The following ZFHX4 variants were observed in gnomAD, a reference collection of about 807,000 sequenced individuals.
ZFHX4 encodes zinc finger homeobox 4.
A neutral mutation model predicts 267.6 loss-of-function variants in ZFHX4; 56 were observed. The observed-to-expected ratio is 0.21, with a 90% confidence interval of 0.17 to 0.26. ZFHX4 has a LOEUF of 0.26. ZFHX4 is among the 10% of genes least tolerant of loss of function. The pLI is 1.00. For missense variants in ZFHX4, 4,332 were observed against 4,420.0 expected (o/e 0.98, Z 0.56); for synonymous variants, 1,778 against 1,665.6 (o/e 1.07, Z -1.64).
chr8:76,806,055 C>A (rs909033271), intron 4 of ZFHX4, among the ~76,000 whole-genome samples: 1 of 151,994 alleles, frequency 6.6e-6, no homozygotes, highest in Admixed American at 6.6e-5. Context: ...AATTAGATAA[C>A]CTTCATTTCC....
intron 1 of ZFHX4, among the ~76,000 whole-genome samples, chr8:76,697,760 G>A (rs1263319699): frequency 6.6e-6 from 1 of 151,984 alleles, no homozygotes; most frequent in Admixed American, 6.6e-5. Context: ...ATATTTATAT[G>A]CATTTTATCA....
At position 76,850,962 on chromosome 8, in the gene ZFHX4, G is replaced by T. The variant is rs781493188; in HGVS notation, c.4041G>T (p.Glu1347Asp). 20 of 1,613,616 alleles carry T rather than the reference G, an allele frequency of 1.2e-5. 2 individuals are homozygous for T. The South Asian group carries it at 2.2e-4, about 18-fold the overall frequency. The change falls in exon 10 of 11, where the codon GAG becomes GAT. Residue 1347 changes from glutamate (E) to aspartate (D), a missense_variant. Physicochemically the swap from Glu to Asp is conservative, Grantham distance 45 (BLOSUM62 2). Around this residue, in one of 7 missense-constraint regions of ZFHX4, gnomAD observed 1,371 missense variants for 1,423.1 expected, o/e 0.96. Transcript: ENST00000651372. ...SKANVEVKNE[E>D]QKPTKEPLEV... ...CTAATGTGGAAGTAAAGAATGAGGA[G>T]CAGAAACCGACTAAAGAACCCTTGG...
At chr8:76,837,755 A>G (rs1434583609) in intron 5 of ZFHX4, among the ~76,000 whole-genome samples, 1 of 152,228 alleles carries the variant, frequency 6.6e-6, no homozygotes, top group Non-Finnish European at 1.5e-5. Context: ...TACAGCAAGT[A>G]GGCAATATAC....
intron 3 of ZFHX4, among the ~76,000 whole-genome samples, chr8:76,746,782 A>G (rs1005766533): frequency 1.1e-4 from 16 of 152,194 alleles, no homozygotes; most frequent in African/African-American, 3.6e-4. Flanking sequence ...TAAGAAATAG[A>G]AGTAGAATCC....
chr8:76,770,983 T>A lies in ZFHX4; in HGVS notation c.3094-7225T>A, dbSNP rs1340485601. On this transcript the variant is annotated intron_variant, in intron 3 of 10. Coordinates refer to ENST00000651372, the MANE Select transcript of ZFHX4 (RefSeq NM_024721.5). ...AGGATTCCATTCTTAAACTTCAAAA[T>A]GGAAATATTTTGAAAGTGAAGGGGT... is the stretch of plus-strand genomic sequence containing the variant. Among the ~76,000 whole-genome samples the A allele has an allele frequency of 2.0e-5, 3 of 152,068 alleles. No homozygotes were observed. The East Asian group carries it at 5.8e-4, about 29-fold the overall frequency.
At chr8:76,738,984 G>C (rs1809245973) in intron 3 of ZFHX4, among the ~76,000 whole-genome samples, 1 of 152,032 alleles carries the variant, frequency 6.6e-6, no homozygotes, top group Admixed American at 6.6e-5. Flanking sequence ...CAAACTTCTG[G>C]TACTACAGCT....
At position 76,865,770 on chromosome 8, in the gene ZFHX4, A is replaced by G. The variant is rs531484960; in HGVS notation, c.*1205A>G. 8.5e-5 allele frequency: 13 copies of G among 152,708 alleles called. No homozygotes were observed. The East Asian group carries it at 2.3e-3, about 27-fold the overall frequency. The allele number at this position is 152,708 out of a possible 1,614,324, so 9.5% of individuals were successfully genotyped here. A position where few individuals can be genotyped will look rare whatever the true frequency, so the allele number is the denominator to read the frequency against. On this transcript the variant is annotated 3_prime_UTR_variant, in exon 11 of 11. Transcript: ENST00000651372. ...GTTAGCCCTGCGCACGTAGGACTGA[A>G]TTCAGTGATATCCCTATACACTGCC...
rs75043964 is a variant in ZFHX4 at position 76,828,569 on chromosome 8, T to C, written c.3326-4769T>C. Among the ~76,000 whole-genome samples the C allele has an allele frequency of 2.5e-3, 382 of 152,338 alleles. 12 individuals carry two copies. The East Asian group carries it at 0.063, about 25-fold the overall frequency. ...ACAAGTTTCCAAAAATGATCATTAG[T>C]TTATAATTAGAGCACTGCTAATATC... On this transcript the variant is annotated intron_variant, in intron 4 of 10. Coordinates refer to ENST00000651372, the MANE Select transcript of ZFHX4 (RefSeq NM_024721.5).
chr8:76,856,411 A>C, intron 10 of ZFHX4, 111 bp downstream of exon 10: 1 of 1,222,296 alleles, frequency 8.2e-7, no homozygotes, highest in Non-Finnish European at 1.2e-6. Flanking sequence ...CAGCTAGTGA[A>C]ATCAATACAT....
chr8:76,822,565 G>C (rs1811680599), intron 4 of ZFHX4, among the ~76,000 whole-genome samples: 1 of 146,052 alleles, frequency 6.8e-6, no homozygotes, highest in Admixed American at 7.2e-5. Context: ...TCAGTATCCT[G>C]AGTAACTCGG....
intron 4 of ZFHX4, among the ~76,000 whole-genome samples, chr8:76,825,773 C>T (rs1480517320): frequency 5.9e-5 from 9 of 152,138 alleles, no homozygotes; most frequent in Admixed American, 1.3e-4. Flanking sequence ...GTCAAGAAAG[C>T]ATTTTTAAAA....
intron 6 of ZFHX4, among the ~76,000 whole-genome samples, chr8:76,847,060 G>A (rs1387737755): frequency 1.3e-5 from 2 of 152,118 alleles, no homozygotes; most frequent in Non-Finnish European, 2.9e-5. Flanking sequence ...CATCTCACAG[G>A]AGAAGGCAAT....
intron 5 of ZFHX4, among the ~76,000 whole-genome samples, chr8:76,838,006 AATT>A (rs1428171490): frequency 1.3e-5 from 2 of 152,224 alleles, no homozygotes; most frequent in Non-Finnish European, 2.9e-5. Flanking sequence ...CCTATGAGAT[AATT>A]ATTATTAACT....
chr8:76,699,382 T>C (rs774439209), intron 1 of ZFHX4, among the ~76,000 whole-genome samples: 1 of 152,112 alleles, frequency 6.6e-6, no homozygotes, highest in Non-Finnish European at 1.5e-5. Flanking sequence ...TTTTTAATAC[T>C]GCAGTGGAGA....
At chr8:76,784,432 T>C (rs146125148) in intron 4 of ZFHX4, among the ~76,000 whole-genome samples, 6 of 152,124 alleles carry the variant, frequency 3.9e-5, no homozygotes, top group African/African-American at 1.4e-4. Context: ...TTTTTTTACC[T>C]TGATACAGAA....
intron 3 of ZFHX4, among the ~76,000 whole-genome samples, chr8:76,759,299 AT>A (rs1282268722): frequency 6.6e-6 from 1 of 152,138 alleles, no homozygotes; most frequent in African/African-American, 2.4e-5. Context: ...CCCGTTTGCT[AT>A]TTTACTTAAT....
intron 1 of ZFHX4, among the ~76,000 whole-genome samples, chr8:76,687,303 C>T (rs1443554749): frequency 1.3e-5 from 2 of 152,154 alleles, no homozygotes; most frequent in Admixed American, 1.3e-4. Context: ...TTGCCTAATC[C>T]ACCTTACAAT....
At chr8:76,748,241 G>A (rs1809515189) in intron 3 of ZFHX4, among the ~76,000 whole-genome samples, 1 of 152,122 alleles carries the variant, frequency 6.6e-6, no homozygotes. Flanking sequence ...TCTCACTGAT[G>A]TTCTGCTCTT....
chr8:76,782,248 G>C (rs1810570937), intron 4 of ZFHX4: 1 of 420,900 alleles, frequency 2.4e-6, no homozygotes, highest in Non-Finnish European at 4.8e-6. Flanking sequence ...GGAATTTCTG[G>C]AGATTTATGA....
Sources: allele counts gnomAD v4.1 joint callset (sites outside exome capture counted in the v4.1 genomes callset), GRCh38; gene constraint gnomAD v4.1.1; regional missense constraint gnomAD v4.1.1; transcripts MANE v1.5; gene names NCBI Gene and HGNC (gene_info 2026-07-23, HGNC 2026-07-21).